The following PDCD11 variants were observed in gnomAD, a reference collection of about 807,000 sequenced individuals.
PDCD11 encodes programmed cell death 11.
PDCD11 carries 97 observed loss-of-function variants against 198.9 expected under a neutral mutation model. That is an observed-to-expected ratio of 0.49 (90% CI 0.41 to 0.58). The LOEUF is 0.58. Ranked by LOEUF, PDCD11 falls within the 20% of genes least tolerant of loss-of-function variation. The probability of loss-of-function intolerance (pLI) is 0.00; values close to 1 mark genes in which losing one functional copy is unlikely to be tolerated. For missense variants in PDCD11, 2,102 were observed against 2,312.7 expected (o/e 0.91, Z 1.87); for synonymous variants, 893 against 918.0 (o/e 0.97, Z 0.49).
intron 4 of PDCD11, among the ~76,000 whole-genome samples, chr10:103,404,149 C>T (rs1156533490): frequency 6.6e-6 from 1 of 151,882 alleles, no homozygotes; most frequent in Non-Finnish European, 1.5e-5. Context: ...CCACCACACC[C>T]AGCTAATTTT....
In PDCD11 at chr10:103,406,106, A is replaced by T. The variant is rs2030431022; in HGVS notation, c.686A>T (p.Lys229Ile). The change falls in exon 6 of 36, where the codon AAA (lysine) becomes ATA (isoleucine). Residue 229 changes from lysine (K) to isoleucine (I), a missense_variant and splice_region_variant. Lys to Ile is a moderately radical substitution (Grantham distance 102). Coordinates refer to ENST00000369797, the MANE Select transcript of PDCD11 (RefSeq NM_014976.2). ...CAGGAGTACATCAGACAGAAGAACA[A>T]AGGTGAGGGCAAGAAAAGGGGCCAG... Reference protein sequence around the residue: ...KAQEYIRQKNKGAKLKVGQYL... With the variant: ...KAQEYIRQKNIGAKLKVGQYL... 1 of 1,613,940 alleles carries T rather than the reference A, an allele frequency of 6.2e-7. No homozygotes were observed. Among genetic ancestry groups the T allele is most frequent in the Admixed American group, 1.7e-5 (1 of 59,992 alleles).
At chr10:103,422,702 G>A (rs528495009) in intron 17 of PDCD11, among the ~76,000 whole-genome samples, 33 of 152,124 alleles carry the variant, frequency 2.2e-4, no homozygotes, top group Non-Finnish European at 4.3e-4. Context: ...GGAGGCTTGA[G>A]AGGGGACAGT....
intron 15 of PDCD11, among the ~76,000 whole-genome samples, 192 bp from the exon 16 acceptor site, chr10:103,419,346 A>G (rs2031293534): frequency 6.6e-6 from 1 of 152,188 alleles, no homozygotes; most frequent in Non-Finnish European, 1.5e-5. Flanking sequence ...CAGTAGGTCT[A>G]GGTGGTGCTT....
intron 6 of PDCD11, 41 bp from the exon 7 acceptor site, chr10:103,406,568 A>G (rs1315247578): frequency 1.3e-6 from 2 of 1,586,434 alleles, no homozygotes; most frequent in East Asian, 2.3e-5. Flanking sequence ...TCCTTCTCAT[A>G]GATACATTTT....
intron 28 of PDCD11, 33 bp from the exon 29 acceptor site, chr10:103,440,257 A>G: frequency 6.3e-7 from 1 of 1,575,608 alleles, no homozygotes; most frequent in Non-Finnish European, 8.6e-7. Context: ...GCTTTTTATG[A>G]TGTCTTTACC....
chr10:103,442,722 T>C (rs2032442748), intron 32 of PDCD11, among the ~76,000 whole-genome samples: 1 of 152,186 alleles, frequency 6.6e-6, no homozygotes, highest in Non-Finnish European at 1.5e-5. Flanking sequence ...GGGAACCAGT[T>C]TGAGCAGAAA....
rs1224992952 is a variant in PDCD11 at position 103,445,437 on chromosome 10, T to C, written c.5504T>C (p.Phe1835Ser). ...GCCCCCAAGAGAATGAAGTTCTTCT[T>C]CAAGCGCTACCTGGACTACGAGAAG... The part of the protein sequence containing the change: ...SLAPKRMKFF[F>S]KRYLDYEKQH... The change falls in exon 36 of 36, where the codon TTC becomes TCC. Residue 1835 changes from phenylalanine to serine, a missense_variant. Transcript: ENST00000369797. The C allele has an allele frequency of 1.9e-6, 3 of 1,614,054 alleles. No homozygotes were observed. The African/African-American group carries it at 4.0e-5, about 22-fold the overall frequency.
chr10:103,407,112 TATAATGAAGAACTTATCCGTC>T (rs930270763), intron 7 of PDCD11, among the ~76,000 whole-genome samples: 18 of 152,358 alleles, frequency 1.2e-4, no homozygotes, highest in African/African-American at 4.3e-4. Flanking sequence ...TTAAAAGGTT[TATAATGAAGAACTTATCCGTC>T]ATAACCCCCA....
chr10:103,413,842 C>T, intron 9 of PDCD11, 124 bp from the exon 10 acceptor site: 1 of 906,030 alleles, frequency 1.1e-6, no homozygotes, highest in Non-Finnish European at 1.6e-6. Flanking sequence ...ATTACTTAAC[C>T]AGGCAATCAA....
intron 16 of PDCD11, 85 bp from the exon 17 acceptor site, chr10:103,421,263 C>T (rs1440209869): frequency 1.9e-6 from 2 of 1,046,226 alleles, no homozygotes; most frequent in Admixed American, 4.0e-5. Flanking sequence ...TCCCCCTACT[C>T]ACGTACCCCT....
chr10:103,439,727 C>G lies in PDCD11; in HGVS notation c.4026-19C>G. 6.2e-7 allele frequency: 1 copy of G among 1,614,148 alleles called. No individual in the cohort carries two copies. Among genetic ancestry groups the G allele is most frequent in the Non-Finnish European group, 8.5e-7 (1 of 1,180,014 alleles). Reference sequence around the variant, plus strand: ...TTGTTGCATTTGTGACCACAGGACTCTTGCCTCTCTCCTTTCAGCCTTGGC... The same window carrying G: ...TTGTTGCATTTGTGACCACAGGACTGTTGCCTCTCTCCTTTCAGCCTTGGC... On this transcript the variant is annotated intron_variant, in intron 27 of 35. Transcript: ENST00000369797.
rs759938574 is a variant in PDCD11, at chr10:103,438,082, GTGT to G, written c.3902+17_3902+19del. 1.2e-6 allele frequency: 2 copies of G among 1,612,236 alleles called. No homozygotes were observed. Among genetic ancestry groups the G allele is most frequent in the Non-Finnish European group, 1.7e-6 (2 of 1,178,358 alleles). ...GCTGCGATCATCCAGGTGGGTTTCT[GTGT>G]TGTTGGAAAAAGAAAGGAGGAAGAC... On this transcript the variant is annotated intron_variant, in intron 26 of 35. Coordinates refer to ENST00000369797, the MANE Select transcript of PDCD11 (RefSeq NM_014976.2).
In PDCD11 at chr10:103,445,700, G is replaced by C. The variant is rs2032581633; in HGVS notation, c.*151G>C. ...TGGGGAAATCCTGTCAGGATGAAAA[G>C]GAAGTTGAGATTTTTTAAATCCCTC... On this transcript the variant is annotated 3_prime_UTR_variant, in exon 36 of 36. Coordinates refer to ENST00000369797, the MANE Select transcript of PDCD11 (RefSeq NM_014976.2). 1 of 614,968 alleles carries C rather than the reference G, an allele frequency of 1.6e-6. No individual in the cohort carries two copies. The allele number at this position is 614,968 out of a possible 1,614,324, so 38.1% of individuals were successfully genotyped here. A position where few individuals can be genotyped will look rare whatever the true frequency, so the allele number is the denominator to read the frequency against.
chr10:103,409,952 G>T, intron 8 of PDCD11, 146 bp downstream of exon 8: 1 of 640,678 alleles, frequency 1.6e-6, no homozygotes, highest in South Asian at 1.8e-5. Flanking sequence ...AAGTGTTATG[G>T]AGGCCAGATG....
intron 30 of PDCD11, among the ~76,000 whole-genome samples, chr10:103,441,289 G>A (rs1205982926): frequency 2.0e-5 from 3 of 152,234 alleles, no homozygotes; most frequent in African/African-American, 4.8e-5. Context: ...ACAGAGTCTC[G>A]CTTTGTCATC....
chr10:103,425,262 TGAG>T lies in PDCD11; in HGVS notation c.3045_3047del (p.Glu1015del), dbSNP rs1173536617. The T allele has an allele frequency of 6.2e-7, 1 of 1,614,024 alleles. No homozygotes were observed. ...CCCAGAAGGACTCTGAGACAGTTGA[TGAG>T]GATGAAGAAGTGGATCCAGCTCTGA... On this transcript the variant is annotated inframe_deletion, in exon 20 of 36. Coordinates refer to ENST00000369797, the MANE Select transcript of PDCD11 (RefSeq NM_014976.2).
At chr10:103,427,656 A>G (rs548621278) in intron 21 of PDCD11, among the ~76,000 whole-genome samples, 1 of 152,324 alleles carries the variant, frequency 6.6e-6, no homozygotes, top group East Asian at 1.9e-4. Context: ...TCACAAAAAG[A>G]AACATTTTTG....
intron 3 of PDCD11, among the ~76,000 whole-genome samples, 186 bp from the exon 4 acceptor site, chr10:103,402,932 G>T (rs918156401): frequency 2.0e-5 from 3 of 152,128 alleles, no homozygotes; most frequent in South Asian, 2.1e-4. Context: ...CGTTGCCCAG[G>T]CTGGTCTGAA....
chr10:103,443,263 T>C lies in PDCD11; in HGVS notation c.5054T>C (p.Val1685Ala). The change falls in exon 33 of 36, where the codon GTG becomes GCG. Residue 1685 changes from valine (V) to alanine (A), a missense_variant. Transcript: ENST00000369797. ...ESLTKVFERA[V>A]QYNEPLKVFL... ...CTGACCAAGGTCTTTGAGCGAGCCG[T>C]GCAGTACAACGAGCCTCTCAAAGTC... The C allele has an allele frequency of 1.2e-6, 2 of 1,613,304 alleles. No individual in the cohort carries two copies. The highest frequency in any genetic ancestry group is 1.7e-6 in the Non-Finnish European group (2 of 1,179,352).
Sources: gnomAD v4.1 joint callset for allele counts (sites outside exome capture counted in the v4.1 genomes callset) on GRCh38, gnomAD v4.1.1 for gene constraint, MANE v1.5 for transcripts, NCBI Gene and HGNC (gene_info 2026-07-23, HGNC 2026-07-21) for gene names.